The following STARD8 variants were observed in gnomAD, a reference collection of about 807,000 sequenced individuals.
The protein encoded by STARD8 is StAR related lipid transfer domain containing 8, also known as stAR-related lipid transfer protein 8.
A neutral mutation model predicts 69.4 loss-of-function variants in STARD8; 25 were observed. That is an observed-to-expected ratio of 0.36 (90% CI 0.26 to 0.50). The LOEUF (loss-of-function observed/expected upper bound fraction) is 0.50, where lower values mean the gene tolerates loss of function less well. Among genes scored for constraint, STARD8 ranks in the 20% least tolerant of loss-of-function variants. The probability of loss-of-function intolerance (pLI) is 0.96; values close to 1 mark genes in which losing one functional copy is unlikely to be tolerated. For missense variants in STARD8, 921 were observed against 932.5 expected, an observed-to-expected ratio of 0.99 and a Z score of 0.16; for synonymous variants, 389 against 374.6, an observed-to-expected ratio of 1.04 and a Z score of -0.45.
At chrX:68,723,924 T>C in intron 13 of STARD8, 21 bp from the exon 14 acceptor site, 1 of 1,210,701 alleles carries the variant, frequency 8.3e-7, no homozygotes, top group Non-Finnish European at 1.1e-6. Flanking sequence ...AATCTGAGCC[T>C]ACGTGTCCCT....
At chrX:68,653,094 ACACACAC>A (rs2079572377) in intron 1 of STARD8, among the ~76,000 whole-genome samples, 1 of 25,422 alleles carries the variant, frequency 3.9e-5, no homozygotes, top group Non-Finnish European at 7.2e-5. Context: ...ACCACACACC[ACACACAC>A]CACACACACA....
At chrX:68,668,274 CTCTTTCTTTCTT>C (rs72167486) in intron 2 of STARD8, among the ~76,000 whole-genome samples, 110 of 66,740 alleles carry the variant, frequency 1.6e-3, no homozygotes, top group Middle Eastern at 6.6e-3. Flanking sequence ...TTCTTTCTTT[CTCTTTCTTTCTT>C]TCTTTCTTTC....
Position 68,725,225 on chromosome X carries a change from C to T in STARD8, c.*803C>T, listed in dbSNP as rs1569377374. 1 of 110,542 alleles carries T rather than the reference C, an allele frequency of 9.0e-6. No individual in the cohort carries two copies. The highest frequency in any genetic ancestry group is 9.6e-5 in the Admixed American group (1 of 10,364). 9.1% of individuals were successfully genotyped at this position (110,542 alleles called of 1,213,427 possible). ...ACGCACTGACACTGCCCAGGCCAAG[C>T]AAAAGCAGAGTGTGGTTAAGAGACA... On this transcript the variant is annotated 3_prime_UTR_variant, in exon 15 of 15. Transcript: ENST00000374599.
intron 2 of STARD8, among the ~76,000 whole-genome samples, chrX:68,672,646 C>T (rs1471087538): frequency 9.0e-6 from 1 of 111,155 alleles, no homozygotes; most frequent in Non-Finnish European, 1.9e-5. Flanking sequence ...GTTCCCTCAC[C>T]ACAGCCTGAA....
At chrX:68,709,427 T>G (rs1305562703) in intron 2 of STARD8, among the ~76,000 whole-genome samples, 1 of 112,116 alleles carries the variant, frequency 8.9e-6, no homozygotes, top group Non-Finnish European at 1.9e-5. Context: ...AGAGTTGGGG[T>G]GGAACACATT....
chrX:68,685,423 A>C (rs1197944470), intron 2 of STARD8, among the ~76,000 whole-genome samples: 1 of 111,601 alleles, frequency 9.0e-6, no homozygotes, highest in East Asian at 2.8e-4. Context: ...TCCATTGAAA[A>C]CAAATTTAAC....
At chrX:68,698,321 C>T (rs920341786) in intron 2 of STARD8, among the ~76,000 whole-genome samples, 2 of 110,904 alleles carry the variant, frequency 1.8e-5, no homozygotes, top group Non-Finnish European at 3.8e-5. Flanking sequence ...AGTAGTTGAT[C>T]GCCTCATCTC....
chrX:68,722,792 A>G, intron 12 of STARD8, 146 bp downstream of exon 12: 1 of 549,159 alleles, frequency 1.8e-6, no homozygotes. Context: ...AGAATGTCAG[A>G]GAGTCAAGAA....
rs1180082177 is a variant in STARD8, at chrX:68,725,695, T to TATCA, written c.*1276_*1279dup. The TATCA allele has an allele frequency of 1.8e-5, 2 of 108,122 alleles. No individual in the cohort carries two copies. The highest frequency in any genetic ancestry group is 3.4e-5 in the African/African-American group (1 of 29,529). The allele number at this position is 108,122 out of a possible 1,213,427, so 8.9% of individuals were successfully genotyped here. The stretch of plus-strand genomic sequence containing the variant: ...ACGCATTTGCACAGACACACACATA[T>TATCA]ATCAATTCTCATGAGTGTATTATAA... On this transcript the variant is annotated 3_prime_UTR_variant, in exon 15 of 15. Coordinates refer to ENST00000374599, the MANE Select transcript of STARD8 (RefSeq NM_001142503.3).
Position 68,724,446 on chromosome X carries a change from C to A in STARD8, c.*24C>A. ...GAGCCTTGGGCTGGTCCCAGGGTGG[C>A]ACCACCCAGGCCCCCTGGGCACCAA... is the stretch of plus-strand genomic sequence containing the variant. On this transcript the variant is annotated 3_prime_UTR_variant, in exon 15 of 15. Transcript: ENST00000374599. 8.7e-7 allele frequency: 1 copy of A among 1,155,332 alleles called. No individual in the cohort carries two copies. Among genetic ancestry groups the A allele is most frequent in the Non-Finnish European group, 1.2e-6 (1 of 850,654 alleles).
At chrX:68,713,379 T>C (rs1485943412) in intron 3 of STARD8, among the ~76,000 whole-genome samples, 3 of 112,041 alleles carry the variant, frequency 2.7e-5, no homozygotes, top group Non-Finnish European at 5.6e-5. Flanking sequence ...TTTTCCTTCA[T>C]TTCTCTTTCG....
intron 6 of STARD8, 80 bp downstream of exon 6, chrX:68,718,709 A>C: frequency 1.4e-5 from 16 of 1,108,737 alleles, no homozygotes; most frequent in Non-Finnish European, 1.8e-5. Flanking sequence ...CTCAGTCATG[A>C]GGCCCAGGGC....
chrX:68,647,708 C>T lies in STARD8; in HGVS notation c.-175C>T. The T allele has an allele frequency of 1.8e-6, 1 of 567,473 alleles. No individual in the cohort carries two copies. 46.8% of individuals were successfully genotyped at this position (567,473 alleles called of 1,213,427 possible). On this transcript the variant is annotated 5_prime_UTR_variant, in exon 1 of 15. Transcript: ENST00000374599. ...CGGGAGGCGCCCGCTGTCGAGGCAGCTGAGCCCCGGCAACCGCTGCTCTCC... is the reference window on the plus strand; with the variant it reads ...CGGGAGGCGCCCGCTGTCGAGGCAGTTGAGCCCCGGCAACCGCTGCTCTCC...
chrX:68,654,386 C>T (rs1326769264), intron 1 of STARD8, among the ~76,000 whole-genome samples: 1 of 111,572 alleles, frequency 9.0e-6, no homozygotes, highest in Non-Finnish European at 1.9e-5. Context: ...ACAACCCTGC[C>T]GTACCTACCC....
Position 68,717,159 on chromosome X carries a change from C to T in STARD8, c.298-53C>T. The T allele has an allele frequency of 2.7e-6, 3 of 1,118,631 alleles. No homozygotes were observed. The South Asian group carries it at 6.7e-5, about 25-fold the overall frequency. 92.2% of individuals were successfully genotyped at this position (1,118,631 alleles called of 1,213,427 possible). A position where few individuals can be genotyped will look rare whatever the true frequency, so the allele number is the denominator to read the frequency against. ...TTGGAAGCAGAGAGTGGAGTACAAGCAAGGACTTGTGGCCTGGGCTTCTCT... is the reference window on the plus strand; with the variant it reads ...TTGGAAGCAGAGAGTGGAGTACAAGTAAGGACTTGTGGCCTGGGCTTCTCT... On this transcript the variant is annotated intron_variant, in intron 5 of 14. Transcript: ENST00000374599.
chrX:68,682,242 G>A lies in STARD8; in HGVS notation c.79+16710G>A, dbSNP rs543169874. 2.4e-3 allele frequency among the ~76,000 whole-genome samples: 268 copies of A among 111,551 alleles called. 1 individual carries two copies. Among genetic ancestry groups the A allele is most frequent in the Non-Finnish European group, 4.0e-3 (210 of 53,085 alleles). ...TCAAACTCCTGACCTCAAGTGATCC[G>A]CCCACCTTGGCCTCCCAAAGTGCTG... is the stretch of plus-strand genomic sequence containing the variant. On this transcript the variant is annotated intron_variant, in intron 2 of 14. Transcript: ENST00000374599.
intron 2 of STARD8, among the ~76,000 whole-genome samples, chrX:68,712,128 C>A (rs1419485221): frequency 8.9e-6 from 1 of 112,519 alleles, no homozygotes; most frequent in Admixed American, 9.4e-5. Flanking sequence ...AGGCGACAGG[C>A]TGACCTAGCC....
chrX:68,694,607 T>TA (rs2079904637), intron 2 of STARD8, among the ~76,000 whole-genome samples: 1 of 111,154 alleles, frequency 9.0e-6, no homozygotes, highest in South Asian at 3.8e-4. Flanking sequence ...GTGTGGGCCA[T>TA]AGTGTTTTCA....
chrX:68,670,713 T>C (rs964725431), intron 2 of STARD8, among the ~76,000 whole-genome samples: 8 of 111,192 alleles, frequency 7.2e-5, no homozygotes, highest in Admixed American at 2.8e-4. Flanking sequence ...CTGTGGATCC[T>C]TCAAACTCAA....
Sources: allele counts gnomAD v4.1 joint callset (sites outside exome capture counted in the v4.1 genomes callset), GRCh38; gene constraint gnomAD v4.1.1; transcripts MANE v1.5; gene names NCBI Gene and HGNC (gene_info 2026-07-23, HGNC 2026-07-21).